LRRIQ1: variants seen among roughly 807,000 people sequenced by gnomAD.
LRRIQ1 encodes leucine-rich repeat- and IQ domain-containing protein 1.
A neutral mutation model predicts 211.9 loss-of-function variants in LRRIQ1; 210 were observed. The observed-to-expected ratio is 0.99, with a 90% CI of 0.89 to 1.11. The LOEUF (loss-of-function observed/expected upper bound fraction) is 1.11, where lower values mean the gene tolerates loss of function less well. Among genes scored for constraint, LRRIQ1 ranks in the 50% most tolerant of loss-of-function variants. The pLI, the probability that LRRIQ1 is intolerant of heterozygous loss-of-function variation, is 0.00. For synonymous variants in LRRIQ1, 699 were observed against 650.1 expected (o/e 1.08, Z -1.14); for missense variants, 2,136 against 1,939.5 (o/e 1.10, Z -1.90).
chr12:85,256,350 C>G (rs1173341337), intron 1 of LRRIQ1, among the ~76,000 whole-genome samples: 2 of 151,502 alleles, frequency 1.3e-5, no homozygotes, highest in Admixed American at 1.3e-4. Context: ...CATTTTCTTT[C>G]TTAAATTGTT....
intron 24 of LRRIQ1, among the ~76,000 whole-genome samples, chr12:85,212,720 T>C (rs900218061): frequency 2.7e-5 from 4 of 150,142 alleles, no homozygotes; most frequent in South Asian, 4.2e-4. Flanking sequence ...TATATATGTA[T>C]ATATATGTTC....
chr12:85,192,924 TATATA>T (rs1293127703), intron 24 of LRRIQ1, among the ~76,000 whole-genome samples: 4 of 94,552 alleles, frequency 4.2e-5, no homozygotes, highest in Non-Finnish European at 7.4e-5. Flanking sequence ...AATATATAAT[TATATA>T]ATATAATTAT....
At chr12:85,217,016 A>G (rs571691050) in intron 24 of LRRIQ1, among the ~76,000 whole-genome samples, 1 of 152,138 alleles carries the variant, frequency 6.6e-6, no homozygotes, top group Middle Eastern at 3.5e-3. Context: ...TTGGCATGCA[A>G]ATTGTGAAAG....
chr12:85,074,318 G>A (rs151236441), intron 11 of LRRIQ1, among the ~76,000 whole-genome samples: 1,630 of 151,658 alleles, frequency 0.011, 34 homozygotes, highest in Non-Finnish European at 0.012. Flanking sequence ...TTATTTTTGT[G>A]GGTACATGGT....
the LRRIQ1 span, among the ~76,000 whole-genome samples, chr12:85,272,670 T>A: frequency 2.6e-5 from 4 of 152,278 alleles, no homozygotes; most frequent in African/African-American, 9.6e-5. Flanking sequence ...TTGAACTGTA[T>A]TAATAAATTG....
At chr12:85,082,958 T>C (rs989631221) in intron 11 of LRRIQ1, among the ~76,000 whole-genome samples, 1 of 152,210 alleles carries the variant, frequency 6.6e-6, no homozygotes, top group Non-Finnish European at 1.5e-5. Flanking sequence ...GTGGCGGTTT[T>C]CTGATCACTA....
chr12:85,043,686 C>G (rs542979188), intron 3 of LRRIQ1, among the ~76,000 whole-genome samples: 5 of 151,778 alleles, frequency 3.3e-5, no homozygotes, highest in Non-Finnish European at 5.9e-5. Context: ...AATAAGTAAC[C>G]GAGTTATTAA....
intron 15 of LRRIQ1, among the ~76,000 whole-genome samples, chr12:85,112,875 T>C (rs1489321836): frequency 1.3e-5 from 2 of 152,180 alleles, no homozygotes; most frequent in Non-Finnish European, 2.9e-5. Flanking sequence ...CCCGAATGTC[T>C]GGATGGCTTT....
Position 85,154,872 on chromosome 12 carries a change from A to G in LRRIQ1, c.4720+778A>G, listed in dbSNP as rs1890456307. Among the ~76,000 whole-genome samples, 4 of 151,204 alleles carry G rather than the reference A, an allele frequency of 2.6e-5. No individual in the cohort carries two copies. In the South Asian group the frequency reaches 8.3e-4, roughly 31 times the overall value. ...AAAAAGTTTCCAAAAAAGACCAGTT[A>G]CTCATGAGCAGTGCAATAAATGTAT... On this transcript the variant is annotated intron_variant, in intron 23 of 26. Transcript: ENST00000393217.
chr12:85,152,254 C>T (rs1166757685), intron 19 of LRRIQ1, 26 bp from the exon 20 acceptor site: 7 of 1,567,962 alleles, frequency 4.5e-6, no homozygotes, highest in Non-Finnish European at 6.1e-6. Context: ...AGCTAAATTA[C>T]ATACATTTTA....
At chr12:85,048,037 C>T (rs1265781608) in intron 6 of LRRIQ1, 1 of 152,322 alleles carries the variant, frequency 6.6e-6, no homozygotes, top group East Asian at 1.9e-4. Flanking sequence ...GGTGGTATAT[C>T]GGTATTGAGA....
In LRRIQ1 at chr12:85,160,662, T is replaced by G; in HGVS notation, c.4770T>G (p.Ser1590=). 6.2e-7 allele frequency: 1 copy of G among 1,611,148 alleles called. No homozygotes were observed. The highest frequency in any genetic ancestry group is 1.1e-5 in the South Asian group (1 of 90,842). Residue 1590 remains serine (S), a synonymous_variant, in exon 24 of 27, where the codon TCT becomes TCG. Coordinates refer to ENST00000393217, the MANE Select transcript of LRRIQ1 (RefSeq NM_001079910.2). ...TCAAAAACAATGAAAATAAAGTGTC[T>G]CTTCCAAAATCACCAAAGATGGTAC... ...ALFKNNENKV[S]LPKSPKMVQP...
intron 26 of LRRIQ1, among the ~76,000 whole-genome samples, chr12:85,236,185 T>C (rs1170829131): frequency 1.3e-5 from 2 of 152,116 alleles, no homozygotes; most frequent in African/African-American, 2.4e-5. Flanking sequence ...AGGAATAATA[T>C]CTTTGCAACT....
At chr12:85,077,559 A>G (rs1883796779) in intron 11 of LRRIQ1, among the ~76,000 whole-genome samples, 1 of 152,172 alleles carries the variant, frequency 6.6e-6, no homozygotes, top group Non-Finnish European at 1.5e-5. Flanking sequence ...TAATTTTCTT[A>G]GAGGTGTTAA....
At chr12:85,242,909 C>A (rs1331265735) in intron 26 of LRRIQ1, among the ~76,000 whole-genome samples, 1 of 151,634 alleles carries the variant, frequency 6.6e-6, no homozygotes, top group African/African-American at 2.4e-5. Flanking sequence ...ATGTTAATTA[C>A]TTAGATGATA....
chr12:85,245,224 G>A (rs561948404), downstream of LRRIQ1: 3 of 280,394 alleles, frequency 1.1e-5, no homozygotes, highest in African/African-American at 2.2e-5. Flanking sequence ...TAGACTAATT[G>A]TAAGATGTTA....
At chr12:85,052,772 G>T (rs79723048) in intron 7 of LRRIQ1, among the ~76,000 whole-genome samples, 3,125 of 151,630 alleles carry the variant, frequency 0.021, 142 homozygotes, top group East Asian at 0.2. Flanking sequence ...ATATAAACCC[G>T]CTCCTGCAAA....
intron 24 of LRRIQ1, among the ~76,000 whole-genome samples, chr12:85,197,684 G>T (rs1013270662): frequency 7.2e-4 from 109 of 151,658 alleles, no homozygotes; most frequent in African/African-American, 2.5e-3. Context: ...GTTGTGGGGT[G>T]GTGGGAGTGG....
In LRRIQ1 at chr12:85,038,082, T is replaced by C. The variant is rs959388062; in HGVS notation, c.-24-71T>C. On this transcript the variant is annotated intron_variant, in intron 1 of 26. Coordinates refer to ENST00000393217, the MANE Select transcript of LRRIQ1 (RefSeq NM_001079910.2). ...TTAAAACATATTTAAATAAATATGT[T>C]GGATTGGTATGACAAATTAGAGAAC... The C allele has an allele frequency of 4.0e-6, 4 of 1,011,378 alleles. No individual in the cohort carries two copies. In the African/African-American group the frequency reaches 6.6e-5, roughly 17 times the overall value. 62.7% of individuals were successfully genotyped at this position (1,011,378 alleles called of 1,614,324 possible). A position where few individuals can be genotyped will look rare whatever the true frequency, so the allele number is the denominator to read the frequency against.
Sources: allele counts gnomAD v4.1 joint callset (sites outside exome capture counted in the v4.1 genomes callset), GRCh38; gene constraint gnomAD v4.1.1; transcripts MANE v1.5; gene names NCBI Gene and HGNC (gene_info 2026-07-23, HGNC 2026-07-21).